NUBPL: variants seen among roughly 807,000 people sequenced by gnomAD.
NUBPL encodes iron-sulfur cluster transfer protein NUBPL.
Under a neutral mutation model 45.7 loss-of-function variants are expected in NUBPL, and 31 were observed. That is an observed-to-expected ratio of 0.68 (90% confidence interval 0.51 to 0.92). The LOEUF (loss-of-function observed/expected upper bound fraction) is 0.92, where lower values mean the gene tolerates loss of function less well. Among genes scored for constraint, NUBPL ranks in the 40% least tolerant of loss-of-function variants. The pLI, the probability that NUBPL is intolerant of heterozygous loss-of-function variation, is 0.00. For missense variants in NUBPL, 401 were observed against 398.7 expected, an observed-to-expected ratio of 1.01 and a Z score of -0.05; for synonymous variants, 144 against 140.9, an observed-to-expected ratio of 1.02 and a Z score of -0.15.
At chr14:31,603,184 C>G (rs942427843) in intron 4 of NUBPL, among the ~76,000 whole-genome samples, 21 of 150,870 alleles carry the variant, frequency 1.4e-4, no homozygotes, top group African/African-American at 5.1e-4. Flanking sequence ...CCTGTAGTCC[C>G]TGATATTCAG....
intron 3 of NUBPL, among the ~76,000 whole-genome samples, chr14:31,565,588 G>C (rs1449354595): frequency 6.6e-6 from 1 of 152,034 alleles, no homozygotes; most frequent in Non-Finnish European, 1.5e-5. Context: ...TTTCCATGAT[G>C]TGCCTCATTC....
rs576725597 is a variant in NUBPL at position 31,692,285 on chromosome 14, C to A, written c.513+18711C>A. ...ATTCCTGATTAGTATTTTTTTTCCTCCTGAATTGTGCTCCTGAACATAGAT... is the reference window on the plus strand; with the variant it reads ...ATTCCTGATTAGTATTTTTTTTCCTACTGAATTGTGCTCCTGAACATAGAT... On this transcript the variant is annotated intron_variant, in intron 6 of 10. Coordinates refer to ENST00000281081, the MANE Select transcript of NUBPL (RefSeq NM_025152.3). Among the ~76,000 whole-genome samples, 4 of 151,972 alleles carry A rather than the reference C, an allele frequency of 2.6e-5. No homozygotes were observed. In the South Asian group the frequency reaches 8.3e-4, roughly 32 times the overall value.
chr14:31,766,497 A>G lies in NUBPL; in HGVS notation c.514-21283A>G, dbSNP rs575371169. On this transcript the variant is annotated intron_variant, in intron 6 of 10. Coordinates refer to ENST00000281081, the MANE Select transcript of NUBPL (RefSeq NM_025152.3). Reference sequence around the variant, plus strand: ...TGTTTCCACAGTGTACTTTGCTCCAAAGAAATTTCTCTGAGTGTTTAAACT... The same window carrying G: ...TGTTTCCACAGTGTACTTTGCTCCAGAGAAATTTCTCTGAGTGTTTAAACT... Among the ~76,000 whole-genome samples, 23 of 152,310 alleles carry G rather than the reference A, an allele frequency of 1.5e-4. No individual in the cohort carries two copies. The South Asian group carries it at 4.4e-3, about 29-fold the overall frequency.
rs370988996 is a variant in NUBPL at position 31,625,790 on chromosome 14, G to C, written c.382+26411G>C. Among the ~76,000 whole-genome samples the C allele has an allele frequency of 1.8e-4, 28 of 152,202 alleles. No homozygotes were observed. In the East Asian group the frequency reaches 3.3e-3, roughly 18 times the overall value. On this transcript the variant is annotated intron_variant, in intron 4 of 10. Transcript: ENST00000281081. ...TGTGCCCGGCTGCTATGTCTGAGGG[G>C]TTCATAGTCCAGTGGGGGAGATGAA...
At chr14:31,673,014 A>G (rs886581158) in intron 4 of NUBPL, among the ~76,000 whole-genome samples, 4 of 152,188 alleles carry the variant, frequency 2.6e-5, no homozygotes, top group African/African-American at 9.6e-5. Flanking sequence ...AGACAGGGGG[A>G]ATAAGTTCTA....
intron 4 of NUBPL, among the ~76,000 whole-genome samples, chr14:31,665,016 T>A (rs1462008948): frequency 6.6e-6 from 1 of 152,166 alleles, no homozygotes; most frequent in Non-Finnish European, 1.5e-5. Context: ...TGCGTAGAGG[T>A]GTTTATAGTA....
chr14:31,568,556 C>T (rs1566418106), intron 3 of NUBPL, among the ~76,000 whole-genome samples: 1 of 152,174 alleles, frequency 6.6e-6, no homozygotes, highest in Non-Finnish European at 1.5e-5. Context: ...AATCTTCGGC[C>T]AACAACTGTT....
Position 31,817,541 on chromosome 14 carries a change from G to A in NUBPL, c.608-9088G>A, listed in dbSNP as rs183958176. Among the ~76,000 whole-genome samples the A allele has an allele frequency of 1.9e-3, 288 of 152,272 alleles. 1 individual carries two copies. The highest frequency in any genetic ancestry group is 6.4e-3 in the African/African-American group (266 of 41,562). ...CCAATACTCAACATTCTTAAAGAAA[G>A]GAATTTTCAACCCAGAATTTCATAT... is the stretch of plus-strand genomic sequence containing the variant. On this transcript the variant is annotated intron_variant, in intron 7 of 10. Coordinates refer to ENST00000281081, the MANE Select transcript of NUBPL (RefSeq NM_025152.3).
At chr14:31,679,688 A>G (rs1337965440) in intron 6 of NUBPL, among the ~76,000 whole-genome samples, 1 of 152,138 alleles carries the variant, frequency 6.6e-6, no homozygotes, top group African/African-American at 2.4e-5. Flanking sequence ...AAAATTAGGA[A>G]ATGTGCATTT....
chr14:31,590,896 C>T (rs540386044), intron 3 of NUBPL, among the ~76,000 whole-genome samples: 6 of 152,056 alleles, frequency 3.9e-5, no homozygotes, highest in Non-Finnish European at 8.8e-5. Flanking sequence ...AAAAATTATA[C>T]AGACCAAGAT....
At chr14:31,600,525 G>A (rs1054954003) in intron 4 of NUBPL, among the ~76,000 whole-genome samples, 3 of 152,206 alleles carry the variant, frequency 2.0e-5, no homozygotes, top group Admixed American at 6.5e-5. Context: ...CAAGACTGTG[G>A]TCGTGGCTTG....
chr14:31,628,405 A>G (rs2035261812), intron 4 of NUBPL, among the ~76,000 whole-genome samples: 1 of 152,194 alleles, frequency 6.6e-6, no homozygotes, highest in Non-Finnish European at 1.5e-5. Flanking sequence ...ATATTTTAAA[A>G]TCACATTTGT....
chr14:31,594,857 T>G (rs536351249), intron 3 of NUBPL, among the ~76,000 whole-genome samples: 172 of 152,270 alleles, frequency 1.1e-3, no homozygotes, highest in African/African-American at 4.0e-3. Context: ...CAGTCCGAGA[T>G]TAAACTGAAT....
At chr14:31,773,181 T>C (rs1454025010) in intron 6 of NUBPL, among the ~76,000 whole-genome samples, 1 of 152,142 alleles carries the variant, frequency 6.6e-6, no homozygotes, top group Non-Finnish European at 1.5e-5. Flanking sequence ...CTTCTTGCAA[T>C]CAAAATAAAA....
At chr14:31,830,420 C>CA (rs2040170552) in intron 8 of NUBPL, among the ~76,000 whole-genome samples, 1 of 152,136 alleles carries the variant, frequency 6.6e-6, no homozygotes, top group African/African-American at 2.4e-5. Context: ...TCCAGGCTAT[C>CA]AGGGATGACT....
Position 31,739,139 on chromosome 14 carries a change from G to A in NUBPL, c.514-48641G>A, listed in dbSNP as rs1043552806. Among the ~76,000 whole-genome samples the A allele has an allele frequency of 5.3e-4, 75 of 142,622 alleles. 1 individual carries two copies. Among genetic ancestry groups the A allele is most frequent in the Non-Finnish European group, 7.2e-4 (47 of 65,238 alleles). 93.6% of individuals were successfully genotyped at this position (142,622 alleles called of 152,430 possible). ...AGCAATTCTCCTGCCTCAGCCTCCC[G>A]AGTAGCTGGGATTACAGATGCCCGC... On this transcript the variant is annotated intron_variant, in intron 6 of 10. Coordinates refer to ENST00000281081, the MANE Select transcript of NUBPL (RefSeq NM_025152.3).
At chr14:31,768,155 G>C (rs1471882096) in intron 6 of NUBPL, among the ~76,000 whole-genome samples, 1 of 152,176 alleles carries the variant, frequency 6.6e-6, no homozygotes, top group East Asian at 1.9e-4. Context: ...TCAATGGGTG[G>C]TGTTTTTAAC....
chr14:31,693,853 T>TTTCC, intron 6 of NUBPL, among the ~76,000 whole-genome samples: 1 of 43,434 alleles, frequency 2.3e-5, no homozygotes, highest in African/African-American at 3.7e-4. Flanking sequence ...TTTTCTTTTC[T>TTTCC]TTTCTTTTTT....
chr14:31,665,563 T>C (rs1365831657), intron 4 of NUBPL, among the ~76,000 whole-genome samples: 9 of 152,228 alleles, frequency 5.9e-5, no homozygotes, highest in Admixed American at 5.9e-4. Flanking sequence ...TCCTGAGTTC[T>C]AACTTGATTG....
Sources: allele counts gnomAD v4.1 joint callset (sites outside exome capture counted in the v4.1 genomes callset), GRCh38; gene constraint gnomAD v4.1.1; transcripts MANE v1.5; gene names NCBI Gene and HGNC (gene_info 2026-07-23, HGNC 2026-07-21).